MAST3: variants seen among roughly 807,000 people sequenced by gnomAD.
The protein encoded by MAST3 is microtubule associated serine/threonine kinase 3, also known as microtubule-associated serine/threonine-protein kinase 3.
A neutral mutation model predicts 127.0 loss-of-function variants in MAST3; 43 were observed. The ratio of observed to expected loss-of-function variants is 0.34; its 90% confidence interval spans 0.27 to 0.44. The LOEUF (loss-of-function observed/expected upper bound fraction) is 0.44. Among genes scored for constraint, MAST3 ranks in the 20% least tolerant of loss-of-function variants. The probability of loss-of-function intolerance (pLI) is 1.00; values close to 1 mark genes in which losing one functional copy is unlikely to be tolerated. For synonymous variants in MAST3, 785 were observed against 809.2 expected (o/e 0.97, Z 0.51); for missense variants, 1,390 against 1,919.1 (o/e 0.72, Z 5.15).
chr19:18,128,803 G>A (rs2040943128), intron 12 of MAST3, 63 bp from the exon 13 acceptor site: 3 of 1,352,066 alleles, frequency 2.2e-6, no homozygotes, highest in Admixed American at 3.4e-5. Context: ...TTGGGCTTGG[G>A]GGCAGGAGAA....
At chr19:18,116,090 C>CTT (rs3048876) in intron 3 of MAST3, among the ~76,000 whole-genome samples, 1,801 of 86,190 alleles carry the variant, frequency 0.021, 207 homozygotes, top group Admixed American at 0.062. Context: ...TTGAAATTAT[C>CTT]TTTTTTTTTT....
intron 1 of MAST3, among the ~76,000 whole-genome samples, chr19:18,107,314 G>T (rs2038156308): frequency 6.6e-6 from 1 of 152,096 alleles, no homozygotes; most frequent in South Asian, 2.1e-4. Context: ...GAATTAGACT[G>T]TGAATCTGGA....
chr19:18,131,616 T>C (rs2041292792), intron 14 of MAST3, among the ~76,000 whole-genome samples: 1 of 142,370 alleles, frequency 7.0e-6, no homozygotes. Flanking sequence ...GGAGACTCGC[T>C]TGAACCCGGG....
At position 18,101,553 on chromosome 19, in the gene MAST3, G is replaced by A. The variant is rs539612950; in HGVS notation, c.39+3722G>A. Among the ~76,000 whole-genome samples, 69 of 152,210 alleles carry A rather than the reference G, an allele frequency of 4.5e-4. No homozygotes were observed. In the South Asian group the frequency reaches 0.013, roughly 30 times the overall value. On this transcript the variant is annotated intron_variant, in intron 1 of 27. Transcript: ENST00000687212. The stretch of plus-strand genomic sequence containing the variant: ...ATGGACTGGTGTTTTCCATGTGCCT[G>A]CAGGCTTTGTTTGACACCCCCTACT...
In MAST3 at chr19:18,136,901, A is replaced by G. The variant is rs144876755; in HGVS notation, c.1973-338A>G. Among the ~76,000 whole-genome samples the G allele has an allele frequency of 3.3e-3, 502 of 151,862 alleles. 2 individuals carry two copies. Among genetic ancestry groups the G allele is most frequent in the Middle Eastern group, 6.8e-3 (2 of 292 alleles). On this transcript the variant is annotated intron_variant, in intron 18 of 27. Coordinates refer to ENST00000687212, the MANE Select transcript of MAST3 (RefSeq NM_001393504.1). ...TGGTGCTATCTCAGCTCACTGCTGC[A>G]ATCTCCACCTCCCAGGTTCGAGCGA... is the stretch of plus-strand genomic sequence containing the variant.
Position 18,144,978 on chromosome 19 carries a change from T to G in MAST3, c.2813-25T>G, listed in dbSNP as rs1337945681. 5.7e-6 allele frequency: 7 copies of G among 1,224,526 alleles called. No homozygotes were observed. Among genetic ancestry groups the G allele is most frequent in the Non-Finnish European group, 8.3e-6 (7 of 841,656 alleles). 75.9% of individuals were successfully genotyped at this position (1,224,526 alleles called of 1,614,324 possible). On this transcript the variant is annotated intron_variant, in intron 23 of 27. Coordinates refer to ENST00000687212, the MANE Select transcript of MAST3 (RefSeq NM_001393504.1). This position sits in a 1 kb window ranked among gnomAD's most constrained non-coding sequence, Gnocchi z 4.0. ...CAGGGGAGACCTGTGAGGGAGTGAG[T>G]GACCCCCTCCCTAACCCCCTGCAGA...
At chr19:18,142,382 C>T (rs1257989178) in intron 21 of MAST3, among the ~76,000 whole-genome samples, 6 of 135,086 alleles carry the variant, frequency 4.4e-5, no homozygotes, top group Admixed American at 2.4e-4. Context: ...GACGGAGTCT[C>T]GCTCTGTCGC....
chr19:18,139,114 G>A lies in MAST3; in HGVS notation c.2195G>A (p.Arg732Gln), dbSNP rs867328594. 6 of 1,598,984 alleles carry A rather than the reference G, an allele frequency of 3.8e-6. No individual in the cohort carries two copies. The highest frequency in any genetic ancestry group is 5.1e-6 in the Non-Finnish European group (6 of 1,172,702). ...EIPQFSSCSH[R>Q]FSKVYSSSEF... ...CCCCAGTTCTCCTCCTGCTCCCACC[G>A]GTTCAGCAAGGTGGGCCCGGGTCCC... is the stretch of plus-strand genomic sequence containing the variant. The change falls in exon 20 of 28, where the codon CGG (arginine) becomes CAG (glutamine). Residue 732 changes from arginine to glutamine, a missense_variant. Arg to Gln is a conservative substitution (Grantham distance 43). This residue lies in a region of MAST3 where 816 missense variants were observed against 934.1 expected (regional missense o/e 0.87). Coordinates refer to ENST00000687212, the MANE Select transcript of MAST3 (RefSeq NM_001393504.1).
chr19:18,109,561 G>C (rs540109704), intron 2 of MAST3, among the ~76,000 whole-genome samples: 1,580 of 86,414 alleles, frequency 0.018, 9 homozygotes, highest in Non-Finnish European at 0.029. Context: ...AAGAGGGCCA[G>C]AGTGAGACAC....
chr19:18,109,888 C>G (rs1418238016), intron 2 of MAST3: 1 of 959,232 alleles, frequency 1.0e-6, no homozygotes, highest in Admixed American at 6.2e-5. Flanking sequence ...CCAGAGAGCC[C>G]CAGGGCCGGG....
At chr19:18,120,388 G>A (rs1250608263) in intron 3 of MAST3, among the ~76,000 whole-genome samples, 1 of 152,128 alleles carries the variant, frequency 6.6e-6, no homozygotes, top group African/African-American at 2.4e-5. Context: ...AGTAGCCATG[G>A]TACAGGGAAA....
intron 17 of MAST3, among the ~76,000 whole-genome samples, chr19:18,135,435 A>T (rs1442586362): frequency 4.6e-5 from 7 of 152,314 alleles, no homozygotes; most frequent in Non-Finnish European, 8.8e-5. Context: ...ACTGCACTCC[A>T]GCCTGGGTGA....
chr19:18,118,157 G>A, intron 3 of MAST3: 7 of 985,356 alleles, frequency 7.1e-6, no homozygotes, highest in Non-Finnish European at 8.4e-6. Flanking sequence ...CGGCACAAAG[G>A]GAAGCAGCAT....
intron 3 of MAST3, among the ~76,000 whole-genome samples, chr19:18,118,938 T>A (rs2039625961): frequency 6.6e-6 from 1 of 152,110 alleles, no homozygotes; most frequent in Non-Finnish European, 1.5e-5. Context: ...AGTCCAGGGC[T>A]TAAACTTACC....
chr19:18,102,605 C>T (rs2037738033), intron 1 of MAST3, among the ~76,000 whole-genome samples: 1 of 151,858 alleles, frequency 6.6e-6, no homozygotes, highest in Non-Finnish European at 1.5e-5. Flanking sequence ...CCTCGGCCTA[C>T]CGAGTAGCTG....
chr19:18,129,503 A>G (rs943364182), intron 13 of MAST3: 1 of 153,222 alleles, frequency 6.5e-6, no homozygotes, highest in African/African-American at 2.4e-5. Flanking sequence ...TGAAATCCAC[A>G]AAGTTCATCT....
chr19:18,140,094 C>T (rs1177164416), intron 20 of MAST3, among the ~76,000 whole-genome samples: 1 of 151,974 alleles, frequency 6.6e-6, no homozygotes, highest in African/African-American at 2.4e-5. Context: ...GCTGGGATTA[C>T]AGGCGTGAGC....
rs754719169 is a variant in MAST3, at chr19:18,139,113, C to T, written c.2194C>T (p.Arg732Trp). 6.9e-6 allele frequency: 11 copies of T among 1,600,326 alleles called. No homozygotes were observed. The highest frequency in any genetic ancestry group is 8.5e-6 in the Non-Finnish European group (10 of 1,173,458). ...EIPQFSSCSHRFSKVYSSSEF... is the reference protein window; with the variant it reads ...EIPQFSSCSHWFSKVYSSSEF... ...CCCCCAGTTCTCCTCCTGCTCCCAC[C>T]GGTTCAGCAAGGTGGGCCCGGGTCC... is the stretch of plus-strand genomic sequence containing the variant. Residue 732 changes from arginine to tryptophan, a missense_variant, in exon 20 of 28, where the codon CGG (arginine) becomes TGG (tryptophan). Arg to Trp is a moderately radical substitution (Grantham distance 101). Transcript: ENST00000687212.
rs2037108854 is a variant in MAST3 at position 18,097,853 on chromosome 19, G to A, written c.39+22G>A. Reference sequence around the variant, plus strand: ...CCAGGTGAGGCCCCTGCGCGGGCGGGCGGAAGGCAGAGGGCGCGGCCAAGT... The same window carrying A: ...CCAGGTGAGGCCCCTGCGCGGGCGGACGGAAGGCAGAGGGCGCGGCCAAGT... On this transcript the variant is annotated intron_variant, in intron 1 of 27. Transcript: ENST00000687212. 9.8e-6 allele frequency: 12 copies of A among 1,227,838 alleles called. No homozygotes were observed. The South Asian group carries it at 4.1e-4, about 42-fold the overall frequency. The allele number at this position is 1,227,838 out of a possible 1,614,324, so 76.1% of individuals were successfully genotyped here. A position where few individuals can be genotyped will look rare whatever the true frequency, so the allele number is the denominator to read the frequency against.
Sources: allele counts gnomAD v4.1 joint callset (sites outside exome capture counted in the v4.1 genomes callset), GRCh38; gene constraint gnomAD v4.1.1; regional missense constraint gnomAD v4.1.1; non-coding constraint Gnocchi (gnomAD v3.1); transcripts MANE v1.5; gene names NCBI Gene and HGNC (gene_info 2026-07-23, HGNC 2026-07-21).